HIBCH: variants seen among roughly 807,000 people sequenced by gnomAD.
The protein encoded by HIBCH is 3-hydroxyisobutyryl-CoA hydrolase.
In HIBCH, 50 loss-of-function variants were observed where a neutral mutation model predicts 58.2. The ratio of observed to expected loss-of-function variants is 0.86; its 90% CI spans 0.68 to 1.09. The LOEUF is 1.09. Among genes scored for constraint, HIBCH ranks in the 50% least tolerant of loss-of-function variants. HIBCH has a pLI of 0.00. For synonymous variants in HIBCH, 151 were observed against 146.9 expected (o/e 1.03, Z -0.20); for missense variants, 450 against 449.7 (o/e 1.00, Z -0.01).
chr2:190,312,008 C>G lies in HIBCH; in HGVS notation c.36-1212G>C, dbSNP rs143670255. ...GGAATGTTGGAAATTGTCTCTATCC[C>G]AATGCTGATTACAGGACTGCAGGTA... On this transcript the variant is annotated intron_variant, in intron 1 of 13. Coordinates refer to ENST00000359678, the MANE Select transcript of HIBCH (RefSeq NM_014362.4). 4.1e-3 allele frequency among the ~76,000 whole-genome samples: 620 copies of G among 152,226 alleles called. 1 individual carries two copies. Among genetic ancestry groups the G allele is most frequent in the African/African-American group, 0.014 (572 of 41,530 alleles).
chr2:190,248,386 C>T (rs1276086162), intron 9 of HIBCH, among the ~76,000 whole-genome samples: 1 of 152,042 alleles, frequency 6.6e-6, no homozygotes, highest in Non-Finnish European at 1.5e-5. Flanking sequence ...TGCAGCGGTT[C>T]TGCAAGCCAA....
chr2:190,199,483 T>C (rs1413294481), downstream of HIBCH, among the ~76,000 whole-genome samples: 1 of 152,104 alleles, frequency 6.6e-6, no homozygotes, highest in Non-Finnish European at 1.5e-5. Flanking sequence ...TTTTATAAAA[T>C]ATGCAAGATC....
At chr2:190,271,216 C>T (rs754628615) in intron 6 of HIBCH, among the ~76,000 whole-genome samples, 91 of 151,668 alleles carry the variant, frequency 6.0e-4, no homozygotes, top group Non-Finnish European at 1.1e-3. Context: ...CATCAAAACC[C>T]ATCAAGTCTT....
At chr2:190,233,193 A>G (rs1354174555) in intron 11 of HIBCH, among the ~76,000 whole-genome samples, 1 of 152,168 alleles carries the variant, frequency 6.6e-6, no homozygotes, top group Non-Finnish European at 1.5e-5. Flanking sequence ...ACAGGATATA[A>G]AAGAACTATA....
intron 6 of HIBCH, among the ~76,000 whole-genome samples, chr2:190,285,510 CA>C (rs1345803724): frequency 6.6e-6 from 1 of 152,138 alleles, no homozygotes; most frequent in Non-Finnish European, 1.5e-5. Context: ...AATCCCTTCC[CA>C]AAATGATGTG....
At chr2:190,313,655 AAAAAAAAAAG>A (rs1423132029) in intron 1 of HIBCH, among the ~76,000 whole-genome samples, 2 of 148,416 alleles carry the variant, frequency 1.3e-5, no homozygotes, top group African/African-American at 2.5e-5. Context: ...AAAAAAAAAA[AAAAAAAAAAG>A]GAATCACCTG....
chr2:190,257,308 G>A (rs556392784), intron 7 of HIBCH, among the ~76,000 whole-genome samples: 4 of 152,220 alleles, frequency 2.6e-5, no homozygotes, highest in East Asian at 3.9e-4. Context: ...GAGTAGAATC[G>A]AATTCCATAC....
chr2:190,266,436 CTTAT>C (rs112231346), intron 6 of HIBCH, among the ~76,000 whole-genome samples: 229 of 152,112 alleles, frequency 1.5e-3, no homozygotes, highest in Non-Finnish European at 2.1e-3. Context: ...GTCATTTTTA[CTTAT>C]TTATTTATTT....
At position 190,204,888 on chromosome 2, in the gene HIBCH, AATAT is replaced by A; in HGVS notation, c.*225_*228del. On this transcript the variant is annotated 3_prime_UTR_variant, in exon 14 of 14. Transcript: ENST00000359678. ...TACTCATTTCAAAGCAGCCACAGAT[AATAT>A]ATAAACAGATGAGTATAGCTAGTTC... The A allele has an allele frequency of 2.1e-6, 1 of 479,542 alleles. No individual in the cohort carries two copies. Among genetic ancestry groups the A allele is most frequent in the Non-Finnish European group, 3.8e-6 (1 of 266,062 alleles). The allele number at this position is 479,542 out of a possible 1,614,324, so 29.7% of individuals were successfully genotyped here.
Position 190,315,427 on chromosome 2 carries a change from A to G in HIBCH, c.35+4289T>C, listed in dbSNP as rs1399767754. ...CCCCACCCCAGACCTACTGAACAAGAAACTGTGGGGCCCAGAAATCTGTGT... is the reference window on the plus strand; with the variant it reads ...CCCCACCCCAGACCTACTGAACAAGGAACTGTGGGGCCCAGAAATCTGTGT... On this transcript the variant is annotated intron_variant, in intron 1 of 13. Transcript: ENST00000359678. The surrounding 1 kb of genome is among the most constrained non-coding windows in gnomAD (Gnocchi z 5.4). Among the ~76,000 whole-genome samples, 2 of 152,216 alleles carry G rather than the reference A, an allele frequency of 1.3e-5. No individual in the cohort carries two copies. The highest frequency in any genetic ancestry group is 2.9e-5 in the Non-Finnish European group (2 of 68,044).
rs540956437 is a variant in HIBCH at position 190,225,139 on chromosome 2, T to C, written c.892-12064A>G. ...AAAGCAGTGTGTAGAGGGAAATTTATAGAACTAAATGCCCACAAGAGAAAG... is the reference window on the plus strand; with the variant it reads ...AAAGCAGTGTGTAGAGGGAAATTTACAGAACTAAATGCCCACAAGAGAAAG... On this transcript the variant is annotated intron_variant, in intron 11 of 13. Coordinates refer to ENST00000359678, the MANE Select transcript of HIBCH (RefSeq NM_014362.4). Among the ~76,000 whole-genome samples, 7 of 152,316 alleles carry C rather than the reference T, an allele frequency of 4.6e-5. No homozygotes were observed. In the East Asian group the frequency reaches 1.3e-3, roughly 29 times the overall value.
rs1686585519 is a variant in HIBCH, at chr2:190,245,713, C to T, written c.809+441G>A. On this transcript the variant is annotated intron_variant, in intron 10 of 13. Coordinates refer to ENST00000359678, the MANE Select transcript of HIBCH (RefSeq NM_014362.4). ...AGGTAAGTGAAAAAAAAACCCTATG[C>T]TGGCCAGGCATCACGCCTGTAATCC... Among the ~76,000 whole-genome samples, 4 of 152,112 alleles carry T rather than the reference C, an allele frequency of 2.6e-5. No homozygotes were observed. In the South Asian group the frequency reaches 8.3e-4, roughly 32 times the overall value.
At chr2:190,226,473 T>C (rs548455981) in intron 11 of HIBCH, among the ~76,000 whole-genome samples, 2 of 152,090 alleles carry the variant, frequency 1.3e-5, no homozygotes, top group Admixed American at 1.3e-4. Flanking sequence ...CACATGCCTA[T>C]AATCCCAGCT....
chr2:190,192,672 TCTTTA>T (rs1378813324), intron 1 of HIBCH, among the ~76,000 whole-genome samples: 16 of 152,098 alleles, frequency 1.1e-4, no homozygotes, highest in Non-Finnish European at 2.4e-4. Flanking sequence ...TTGTTTAGGT[TCTTTA>T]CTTTTTCTCA....
intron 11 of HIBCH, among the ~76,000 whole-genome samples, chr2:190,231,642 T>C (rs901817489): frequency 1.3e-5 from 2 of 151,938 alleles, no homozygotes; most frequent in African/African-American, 4.8e-5. Context: ...ATAGCTATCA[T>C]CACCTCTACT....
rs893280003 is a variant in HIBCH, at chr2:190,210,035, C to A, written c.1012-1122G>T. ...GTTTCTCTATTGGATCATTCCCAAT[C>A]ATTTTTAAACATGTTCTAGTACCTT... On this transcript the variant is annotated intron_variant, in intron 12 of 13. Coordinates refer to ENST00000359678, the MANE Select transcript of HIBCH (RefSeq NM_014362.4). This position sits in a 1 kb window ranked among gnomAD's most constrained non-coding sequence, Gnocchi z 5.5. Among the ~76,000 whole-genome samples the A allele has an allele frequency of 6.6e-6, 1 of 152,184 alleles. No homozygotes were observed. The highest frequency in any genetic ancestry group is 2.4e-5 in the African/African-American group (1 of 41,438).
At position 190,243,433 on chromosome 2, in the gene HIBCH, T is replaced by C. The variant is rs1190719995; in HGVS notation, c.891+1454A>G. Among the ~76,000 whole-genome samples the C allele has an allele frequency of 6.6e-6, 1 of 152,184 alleles. No individual in the cohort carries two copies. The highest frequency in any genetic ancestry group is 2.4e-5 in the African/African-American group (1 of 41,444). On this transcript the variant is annotated intron_variant, in intron 11 of 13. Coordinates refer to ENST00000359678, the MANE Select transcript of HIBCH (RefSeq NM_014362.4). The surrounding 1 kb of genome is among the most constrained non-coding windows in gnomAD (Gnocchi z 4.1). ...TCCCCTTTATATACATATCTCCTAT[T>C]AGTTCTTTCCCTCTAGAGAACCCTG...
intron 6 of HIBCH, among the ~76,000 whole-genome samples, chr2:190,263,061 A>G (rs1167801676): frequency 1.3e-5 from 2 of 152,170 alleles, no homozygotes; most frequent in African/African-American, 4.8e-5. Flanking sequence ...CAAAGAATCT[A>G]TTATAGGTTA....
intron 6 of HIBCH, among the ~76,000 whole-genome samples, chr2:190,271,285 T>C (rs1351135112): frequency 1.4e-5 from 2 of 140,330 alleles, no homozygotes; most frequent in South Asian, 2.4e-4. Flanking sequence ...TACCCTACTT[T>C]TTTTTTTTTT....
Sources: gnomAD v4.1 joint callset for allele counts (sites outside exome capture counted in the v4.1 genomes callset) on GRCh38, gnomAD v4.1.1 for gene constraint, Gnocchi (gnomAD v3.1) non-coding constraint, MANE v1.5 for transcripts, NCBI Gene and HGNC (gene_info 2026-07-23, HGNC 2026-07-21) for gene names.